Variants in KCNE3 observed in about 807,000 individuals in gnomAD.
KCNE3 encodes the protein potassium voltage-gated channel subfamily E member 3.
Under a neutral mutation model 4.3 loss-of-function variants are expected in KCNE3, and 2 were observed. The observed-to-expected ratio is 0.47, with a 90% CI of 0.19 to 1.48. The LOEUF (loss-of-function observed/expected upper bound fraction) is 1.48. Among genes scored for constraint, KCNE3 ranks in the 40% most tolerant of loss-of-function variants. KCNE3 has a pLI of 0.25. For synonymous variants in KCNE3, 47 were observed against 52.0 expected (o/e 0.90, Z 0.41); for missense variants, 128 against 136.8 (o/e 0.94, Z 0.32).
At chr11:74,465,836 C>G (rs1306788991) in intron 1 of KCNE3, among the ~76,000 whole-genome samples, 1 of 152,174 alleles carries the variant, frequency 6.6e-6, no homozygotes, top group Non-Finnish European at 1.5e-5. Flanking sequence ...AGATAATTAT[C>G]AGGCAGGCTG....
At chr11:74,463,198 G>C (rs910494200) in intron 1 of KCNE3, among the ~76,000 whole-genome samples, 3 of 152,118 alleles carry the variant, frequency 2.0e-5, no homozygotes, top group Admixed American at 6.5e-5. Flanking sequence ...GGAGGGTAGG[G>C]TGGGCTTTGA....
chr11:74,460,013 A>G (rs1299722208), intron 2 of KCNE3, among the ~76,000 whole-genome samples: 2 of 152,208 alleles, frequency 1.3e-5, no homozygotes, highest in Non-Finnish European at 2.9e-5. Context: ...CTGTTAACAA[A>G]CTAATATGTG....
intron 1 of KCNE3, among the ~76,000 whole-genome samples, chr11:74,465,344 G>A (rs1382618872): frequency 6.6e-6 from 1 of 152,108 alleles, no homozygotes; most frequent in African/African-American, 2.4e-5. Context: ...AACCTCCAGG[G>A]CAGGGCAAAA....
At chr11:74,459,533 A>G (rs529776227) in intron 2 of KCNE3, among the ~76,000 whole-genome samples, 1 of 152,216 alleles carries the variant, frequency 6.6e-6, no homozygotes, top group East Asian at 1.9e-4. Flanking sequence ...AAGTGCTGGG[A>G]TTACAGGCGC....
At chr11:74,464,389 A>C (rs1263385684) in intron 1 of KCNE3, 2 of 152,314 alleles carry the variant, frequency 1.3e-5, no homozygotes, top group East Asian at 3.9e-4. Context: ...TGATCCAAAG[A>C]CAGTTCCTGG....
At chr11:74,459,882 G>A (rs934310414) in intron 2 of KCNE3, among the ~76,000 whole-genome samples, 31 of 152,028 alleles carry the variant, frequency 2.0e-4, no homozygotes, top group African/African-American at 6.8e-4. Context: ...AGACTGGCTG[G>A]GTATTCCCTT....
intron 2 of KCNE3, among the ~76,000 whole-genome samples, chr11:74,457,995 C>A (rs1419307927): frequency 1.3e-5 from 2 of 152,188 alleles, no homozygotes; most frequent in South Asian, 2.1e-4. Flanking sequence ...GTCCATTAAA[C>A]TTCTTTTTCT....
chr11:74,457,285 A>T lies in KCNE3; in HGVS notation c.279T>A (p.His93Gln), dbSNP rs199972628. The change falls in exon 3 of 3, where the codon CAT becomes CAA. Residue 93 changes from histidine to glutamine, a missense_variant. His to Gln is a conservative substitution (Grantham distance 24). Coordinates refer to ENST00000310128, the MANE Select transcript of KCNE3 (RefSeq NM_005472.5). The stretch of plus-strand genomic sequence containing the variant: ...TAGACACACGGTTCTTGATATACAC[A>T]TGATAGGGGTCACTACGCTTGTCCA... ...RKVDKRSDPY[H>Q]VYIKNRVSMI The T allele has an allele frequency of 1.2e-5, 19 of 1,613,812 alleles. No individual in the cohort carries two copies. Among genetic ancestry groups the T allele is most frequent in the Non-Finnish European group, 1.5e-5 (18 of 1,179,916 alleles).
At chr11:74,466,989 G>C (rs1019256964) in intron 1 of KCNE3, among the ~76,000 whole-genome samples, 1 of 152,228 alleles carries the variant, frequency 6.6e-6, no homozygotes, top group East Asian at 1.9e-4. Flanking sequence ...CCGCAGAGCC[G>C]GTGGCTCCAG....
At chr11:74,460,430 G>A (rs570037046) in intron 2 of KCNE3, among the ~76,000 whole-genome samples, 1 of 152,344 alleles carries the variant, frequency 6.6e-6, no homozygotes, top group Admixed American at 6.5e-5. Context: ...TCGCCCAGGG[G>A]CTCTGATACA....
rs758642757 is a variant in KCNE3, at chr11:74,457,569, C to T, written c.-6G>A. On this transcript the variant is annotated 5_prime_UTR_variant, in exon 3 of 3. Coordinates refer to ENST00000310128, the MANE Select transcript of KCNE3 (RefSeq NM_005472.5). ...GTTCCATTGGTAGTCTCCATAGCAA[C>T]AGGGATTGAGGTGGGGGAAGACTCG... The T allele has an allele frequency of 3.1e-5, 50 of 1,613,846 alleles. No individual in the cohort carries two copies. The highest frequency in any genetic ancestry group is 3.7e-5 in the Non-Finnish European group (44 of 1,179,886).
At chr11:74,462,593 G>A (rs919202311) in intron 1 of KCNE3, among the ~76,000 whole-genome samples, 1 of 152,184 alleles carries the variant, frequency 6.6e-6, no homozygotes, top group East Asian at 1.9e-4. Flanking sequence ...ATATGAACAC[G>A]GTCACAGAAT....
chr11:74,464,913 GC>G (rs2135019800), intron 1 of KCNE3, among the ~76,000 whole-genome samples: 1 of 152,250 alleles, frequency 6.6e-6, no homozygotes, highest in African/African-American at 2.4e-5. Context: ...AAACAAGAAT[GC>G]CCTTCCTCTT....
chr11:74,459,499 T>C (rs1013709778), intron 2 of KCNE3, among the ~76,000 whole-genome samples: 2 of 152,046 alleles, frequency 1.3e-5, no homozygotes, highest in Non-Finnish European at 2.9e-5. Context: ...CCTGACTTTG[T>C]GATTCGCCCA....
intron 1 of KCNE3, among the ~76,000 whole-genome samples, chr11:74,463,297 CAGG>C (rs1453715700): frequency 6.6e-6 from 1 of 152,076 alleles, no homozygotes; most frequent in Non-Finnish European, 1.5e-5. Flanking sequence ...GTGCTTCTGA[CAGG>C]AGGAGGAAAG....
intron 1 of KCNE3, among the ~76,000 whole-genome samples, chr11:74,466,581 G>A (rs1350927328): frequency 6.6e-6 from 1 of 152,112 alleles, no homozygotes; most frequent in Non-Finnish European, 1.5e-5. Context: ...ATCTCCCCTG[G>A]GGCATCAGTT....
In KCNE3 at chr11:74,455,391, C is replaced by T. The variant is rs527610607; in HGVS notation, c.*1861G>A. 6.6e-6 allele frequency: 1 copy of T among 152,320 alleles called. No individual in the cohort carries two copies. The highest frequency in any genetic ancestry group is 1.5e-5 in the Non-Finnish European group (1 of 68,026). The allele number at this position is 152,320 out of a possible 1,614,324, so 9.4% of individuals were successfully genotyped here. A position where few individuals can be genotyped will look rare whatever the true frequency, so the allele number is the denominator to read the frequency against. ...GATAGTTTCTGAATTCAGAAGTGTT[C>T]ACCAGCCACATTGCATGTATTAGCT... On this transcript the variant is annotated 3_prime_UTR_variant, in exon 3 of 3. Coordinates refer to ENST00000310128, the MANE Select transcript of KCNE3 (RefSeq NM_005472.5).
chr11:74,464,726 G>A (rs187174295), intron 1 of KCNE3, among the ~76,000 whole-genome samples: 1 of 152,190 alleles, frequency 6.6e-6, no homozygotes, highest in African/African-American at 2.4e-5. Flanking sequence ...CTGCCAGTAG[G>A]GCAGACTCTA....
chr11:74,459,514 G>A (rs961107076), intron 2 of KCNE3, among the ~76,000 whole-genome samples: 26 of 151,950 alleles, frequency 1.7e-4, no homozygotes, highest in Non-Finnish European at 2.6e-4. Flanking sequence ...CGCCCACCTC[G>A]GCCTCCCAAA....
Sources: gnomAD v4.1 joint callset for allele counts (sites outside exome capture counted in the v4.1 genomes callset) on GRCh38, gnomAD v4.1.1 for gene constraint, MANE v1.5 for transcripts, NCBI Gene and HGNC (gene_info 2026-07-23, HGNC 2026-07-21) for gene names.